The following NLRP11 variants were observed in gnomAD, a reference collection of about 807,000 sequenced individuals.
NLRP11 encodes the protein NACHT, LRR and PYD domains-containing protein 11.
A neutral mutation model predicts 79.3 loss-of-function variants in NLRP11; 53 were observed. That is an observed-to-expected ratio of 0.67 (90% CI 0.54 to 0.84). The LOEUF is 0.84. NLRP11 is among the 40% of genes least tolerant of loss of function. NLRP11 has a pLI of 0.00. For missense variants in NLRP11, 1,264 were observed against 1,255.0 expected (o/e 1.01, Z -0.11); for synonymous variants, 518 against 462.6 (o/e 1.12, Z -1.54).
chr19:55,785,896 C>T (rs749921411), intron 9 of NLRP11, 25 bp from the exon 10 acceptor site: 22 of 1,603,868 alleles, frequency 1.4e-5, no homozygotes, highest in East Asian at 2.2e-5. Context: ...AGAGAGAACG[C>T]CGTTAATGCT....
intron 5 of NLRP11, 77 bp from the exon 6 acceptor site, chr19:55,796,327 A>AAAGAG: frequency 8.5e-7 from 1 of 1,170,746 alleles, no homozygotes; most frequent in Non-Finnish European, 1.2e-6. Context: ...AAAAAAAAAA[A>AAAGAG]AGAGAGACCT....
exon 3 of NLRP11, chr19:55,808,845 A>G: frequency 6.2e-7 from 1 of 1,614,108 alleles, no homozygotes; most frequent in Admixed American, 1.7e-5. Context: ...CTCAGGTGAC[A>G]GCAGTAATCC....
chr19:55,796,956 T>C (rs978471080), intron 5 of NLRP11, among the ~76,000 whole-genome samples: 2 of 152,162 alleles, frequency 1.3e-5, no homozygotes, highest in African/African-American at 4.8e-5. Flanking sequence ...CCCAAAGTGC[T>C]GCGATTACAG....
rs1452312695 is a variant in NLRP11 at position 55,808,160 on chromosome 19, C to T, written c.1842-146G>A. The T allele has an allele frequency of 2.0e-5, 11 of 544,164 alleles. No individual in the cohort carries two copies. In the Admixed American group the frequency reaches 3.4e-4, roughly 17 times the overall value. 33.7% of individuals were successfully genotyped at this position (544,164 alleles called of 1,614,324 possible). A position where few individuals can be genotyped will look rare whatever the true frequency, so the allele number is the denominator to read the frequency against. On this transcript the variant is annotated intron_variant, in intron 3 of 9. Transcript: ENST00000589093. Reference sequence around the variant, plus strand: ...CAGCAAGAAATAAAGTAGGGTCAAACATGAATGAACAACACTCAGATCCAT... The same window carrying T: ...CAGCAAGAAATAAAGTAGGGTCAAATATGAATGAACAACACTCAGATCCAT...
intron 1 of NLRP11, among the ~76,000 whole-genome samples, chr19:55,821,956 G>T (rs565674898): frequency 1.3e-5 from 2 of 152,280 alleles, no homozygotes; most frequent in Non-Finnish European, 2.9e-5. Flanking sequence ...TGCTCATATG[G>T]TTAACAAGAT....
exon 3 of NLRP11, chr19:55,810,288 A>G (rs778440376): frequency 1.2e-6 from 2 of 1,613,848 alleles, no homozygotes; most frequent in Non-Finnish European, 1.7e-6. Context: ...TGACTTTCCC[A>G]TTGCAGCATG....
chr19:55,821,842 T>C (rs1981772349), intron 1 of NLRP11, among the ~76,000 whole-genome samples: 1 of 152,224 alleles, frequency 6.6e-6, no homozygotes, highest in South Asian at 2.1e-4. Flanking sequence ...TAAATGGAAG[T>C]CTCCATCAGG....
chr19:55,810,394 T>TA (rs1437797084), intron 2 of NLRP11, 56 bp from the exon 3 acceptor site: 2 of 1,490,324 alleles, frequency 1.3e-6, no homozygotes, highest in Non-Finnish European at 1.8e-6. Flanking sequence ...GTTCAAGATG[T>TA]AAAAACAGTT....
Position 55,796,077 on chromosome 19 carries a change from T to TA in NLRP11, c.2342+2dup, listed in dbSNP as rs1978820101. Reference sequence around the variant, plus strand: ...CGTGGTGAGCTCGTCTAAGCCAACTTACACCAGTGATATAAGAGTGCAGTT... The same window carrying TA: ...CGTGGTGAGCTCGTCTAAGCCAACTTAACACCAGTGATATAAGAGTGCAGTT... On this transcript the variant is annotated splice_region_variant and intron_variant, in intron 6 of 9. Transcript: ENST00000589093. The TA allele has an allele frequency of 6.2e-7, 1 of 1,608,284 alleles. No individual in the cohort carries two copies. Among genetic ancestry groups the TA allele is most frequent in the Non-Finnish European group, 8.5e-7 (1 of 1,175,192 alleles).
rs578258651 is a variant in NLRP11 at position 55,829,565 on chromosome 19, G to C, written c.-63+2398C>G. On this transcript the variant is annotated intron_variant, in intron 1 of 9. Transcript: ENST00000589093. ...GCCTGTAGTCCCAGCTACTCAGAAG[G>C]CTGAGGCAGGAGAATCGCTTGAACC... is the stretch of plus-strand genomic sequence containing the variant. Among the ~76,000 whole-genome samples the C allele has an allele frequency of 2.0e-3, 301 of 150,842 alleles. 2 individuals are homozygous for C. Among genetic ancestry groups the C allele is most frequent in the African/African-American group, 6.8e-3 (278 of 40,928 alleles).
chr19:55,829,524 G>A (rs1384623456), intron 1 of NLRP11, among the ~76,000 whole-genome samples: 1 of 151,690 alleles, frequency 6.6e-6, no homozygotes, highest in Non-Finnish European at 1.5e-5. Context: ...AAAATTAGCC[G>A]GGCGTGGTGG....
chr19:55,791,109 A>G (rs905229330), intron 7 of NLRP11, among the ~76,000 whole-genome samples: 4 of 152,210 alleles, frequency 2.6e-5, no homozygotes, highest in Non-Finnish European at 5.9e-5. Context: ...GACATTTTTC[A>G]TGGCCTCTCT....
At chr19:55,824,547 C>T (rs1347337904) in intron 1 of NLRP11, among the ~76,000 whole-genome samples, 1 of 130,382 alleles carries the variant, frequency 7.7e-6, no homozygotes, top group East Asian at 2.4e-4. Flanking sequence ...CACATAGGCT[C>T]AAAATAAAAG....
chr19:55,793,083 T>C (rs894121605), intron 6 of NLRP11, among the ~76,000 whole-genome samples: 4 of 152,224 alleles, frequency 2.6e-5, no homozygotes, highest in African/African-American at 9.6e-5. Context: ...TCTCACTGTG[T>C]TGCCCAGGCT....
exon 10 of NLRP11, chr19:55,785,410 C>T (rs1989799354): frequency 2.2e-6 from 1 of 460,656 alleles, no homozygotes; most frequent in Non-Finnish European, 3.8e-6. Context: ...TTTTCCAATG[C>T]ATTTTATCCT....
At chr19:55,788,060 A>G (rs1229469913) in intron 9 of NLRP11, among the ~76,000 whole-genome samples, 1 of 152,228 alleles carries the variant, frequency 6.6e-6, no homozygotes, top group Non-Finnish European at 1.5e-5. Context: ...ATAGTGTGTC[A>G]TTGAATCCAA....
chr19:55,821,180 A>G (rs952690570), intron 1 of NLRP11, among the ~76,000 whole-genome samples: 4 of 149,318 alleles, frequency 2.7e-5, no homozygotes, highest in Admixed American at 2.0e-4. Context: ...GAGGATGCCT[A>G]TGTGACCAGC....
At chr19:55,828,457 G>T (rs927468526) in intron 1 of NLRP11, among the ~76,000 whole-genome samples, 7 of 152,124 alleles carry the variant, frequency 4.6e-5, no homozygotes, top group African/African-American at 1.7e-4. Flanking sequence ...AGTTAGTAAT[G>T]ATGTCAATTA....
At chr19:55,816,743 C>A (rs1402312788) in intron 2 of NLRP11, among the ~76,000 whole-genome samples, 3 of 152,202 alleles carry the variant, frequency 2.0e-5, no homozygotes, top group African/African-American at 7.2e-5. Flanking sequence ...TAGGACAGAG[C>A]TCTCTGCTGG....
Sources: gnomAD v4.1 joint callset for allele counts (sites outside exome capture counted in the v4.1 genomes callset) on GRCh38, gnomAD v4.1.1 for gene constraint, MANE v1.5 for transcripts, NCBI Gene and HGNC (gene_info 2026-07-23, HGNC 2026-07-21) for gene names.